ATP10A: variants seen among roughly 807,000 people sequenced by gnomAD.
ATP10A encodes the protein phospholipid-transporting ATPase VA.
A neutral mutation model predicts 147.8 loss-of-function variants in ATP10A; 111 were observed. The observed-to-expected ratio is 0.75, with a 90% CI of 0.64 to 0.88. The LOEUF (loss-of-function observed/expected upper bound fraction) is 0.88. ATP10A is among the 40% of genes least tolerant of loss of function. The pLI, the probability that ATP10A is intolerant of heterozygous loss-of-function variation, is 0.00. For missense variants in ATP10A, 1,927 were observed against 1,959.0 expected, an observed-to-expected ratio of 0.98 and a Z score of 0.31; for synonymous variants, 875 against 841.6, an observed-to-expected ratio of 1.04 and a Z score of -0.69.
chr15:25,688,990 C>T (rs866196097), intron 15 of ATP10A, among the ~76,000 whole-genome samples: 3 of 152,204 alleles, frequency 2.0e-5, no homozygotes, highest in South Asian at 2.1e-4. Context: ...ACACAGTCCC[C>T]GTCCTCCACA....
At chr15:25,768,683 ATTTTTTTTTTT>A (rs143608940) in intron 2 of ATP10A, among the ~76,000 whole-genome samples, 3 of 89,646 alleles carry the variant, frequency 3.3e-5, no homozygotes, top group South Asian at 4.0e-4. Flanking sequence ...AGCTGGGCTA[ATTTTTTTTTTT>A]TTTTTTTTTT....
intron 2 of ATP10A, among the ~76,000 whole-genome samples, chr15:25,772,460 G>C (rs1345756349): frequency 6.6e-5 from 10 of 152,152 alleles, no homozygotes; most frequent in Non-Finnish European, 1.2e-4. Context: ...ACTGGGCCGA[G>C]ATGGAGATGT....
At chr15:25,790,718 CT>C (rs1486714006) in intron 1 of ATP10A, among the ~76,000 whole-genome samples, 5 of 152,162 alleles carry the variant, frequency 3.3e-5, no homozygotes, top group African/African-American at 9.7e-5. Flanking sequence ...TAACATGAAA[CT>C]TTTTTTCTGA....
downstream of ATP10A, among the ~76,000 whole-genome samples, chr15:25,674,226 C>A (rs1400245605): frequency 2.0e-5 from 3 of 152,194 alleles, no homozygotes; most frequent in Non-Finnish European, 4.4e-5. Flanking sequence ...GCAGAGCCAC[C>A]CATGCACCGT....
intron 1 of ATP10A, among the ~76,000 whole-genome samples, chr15:25,829,161 T>C (rs778803851): frequency 6.6e-6 from 1 of 152,176 alleles, no homozygotes. Context: ...AATAATGTGG[T>C]GAAAAGTGCC....
chr15:25,708,131 A>C, intron 11 of ATP10A, 29 bp from the exon 12 acceptor site: 1 of 1,613,304 alleles, frequency 6.2e-7, no homozygotes, highest in Non-Finnish European at 8.5e-7. Flanking sequence ...TGAGTGCTGC[A>C]CCGGGCGCTG....
intron 12 of ATP10A, among the ~76,000 whole-genome samples, chr15:25,706,290 C>T (rs931421366): frequency 6.6e-6 from 1 of 152,146 alleles, no homozygotes; most frequent in African/African-American, 2.4e-5. Context: ...AGAAAGCCTG[C>T]AGAGGAGAGG....
chr15:25,713,159 C>T (rs1429124685), intron 10 of ATP10A, among the ~76,000 whole-genome samples: 4 of 152,232 alleles, frequency 2.6e-5, no homozygotes, highest in African/African-American at 9.6e-5. Flanking sequence ...CTCCTCCGTC[C>T]TCTGAGCACA....
chr15:25,773,310 AC>A (rs1441564636), intron 2 of ATP10A, among the ~76,000 whole-genome samples: 1 of 152,184 alleles, frequency 6.6e-6, no homozygotes, highest in Non-Finnish European at 1.5e-5. Flanking sequence ...GCTGGCTCTT[AC>A]CAATTCACAA....
chr15:25,769,101 C>T (rs1889193174), intron 2 of ATP10A, among the ~76,000 whole-genome samples: 1 of 152,160 alleles, frequency 6.6e-6, no homozygotes, highest in South Asian at 2.1e-4. Flanking sequence ...CGCTCCAATA[C>T]TGAAACACAC....
intron 1 of ATP10A, among the ~76,000 whole-genome samples, chr15:25,800,251 C>G (rs747884590): frequency 6.6e-5 from 10 of 152,150 alleles, no homozygotes; most frequent in Admixed American, 2.6e-4. Context: ...GCTGAGTTTT[C>G]TTTGGCTGCA....
At position 25,711,325 on chromosome 15, in the gene ATP10A, T is replaced by C. The variant is rs116791635; in HGVS notation, c.2344+2349A>G. 2.8e-3 allele frequency among the ~76,000 whole-genome samples: 433 copies of C among 152,206 alleles called. 2 individuals are homozygous for C. Among genetic ancestry groups the C allele is most frequent in the African/African-American group, 9.9e-3 (412 of 41,504 alleles). ...TTGTCACCTACACACAGGTAGTAAG[T>C]TGATTTACACAGGCAGAGCGATTCC... On this transcript the variant is annotated intron_variant, in intron 10 of 20. Transcript: ENST00000555815.
chr15:25,735,670 C>T (rs1185624559), intron 3 of ATP10A, among the ~76,000 whole-genome samples: 2 of 152,222 alleles, frequency 1.3e-5, no homozygotes, highest in South Asian at 2.1e-4. Flanking sequence ...AATACGTGTT[C>T]AGTGACTGAG....
At chr15:25,741,065 G>A (rs989516947) in intron 2 of ATP10A, among the ~76,000 whole-genome samples, 6 of 152,188 alleles carry the variant, frequency 3.9e-5, no homozygotes, top group African/African-American at 7.2e-5. Context: ...CCCCTGGTAG[G>A]GTAGGCAGGT....
At position 25,701,990 on chromosome 15, in the gene ATP10A, C is replaced by CTGTTTCT. The variant is rs1900692441; in HGVS notation, c.2679_2685dup (p.Ala896ArgfsTer51). The CTGTTTCT allele has an allele frequency of 6.2e-7, 1 of 1,614,180 alleles. No homozygotes were observed. The highest frequency in any genetic ancestry group is 8.5e-7 in the Non-Finnish European group (1 of 1,180,024). On this transcript the variant is annotated frameshift_variant, in exon 13 of 21. Coordinates refer to ENST00000555815, the MANE Select transcript of ATP10A (RefSeq NM_024490.4). LOFTEE classifies it high-confidence loss of function. The stretch of plus-strand genomic sequence containing the variant: ...TTGCAGGCATATGCAATGTTGACAG[C>CTGTTTCT]TGTTTCTTGTTTGTCACCAGTGAGA...
intron 17 of ATP10A, among the ~76,000 whole-genome samples, chr15:25,682,816 G>T (rs961101955): frequency 2.6e-5 from 4 of 152,354 alleles, no homozygotes; most frequent in African/African-American, 9.6e-5. Context: ...AAAAGCACTT[G>T]CTGTCTATTT....
At chr15:25,840,818 A>T (rs902296392) in intron 1 of ATP10A, among the ~76,000 whole-genome samples, 4 of 151,744 alleles carry the variant, frequency 2.6e-5, no homozygotes, top group Admixed American at 6.6e-5. Context: ...TGGTGGTATC[A>T]CTCTTTTTAT....
chr15:25,802,471 A>G (rs1187584349), intron 1 of ATP10A, among the ~76,000 whole-genome samples: 19 of 152,186 alleles, frequency 1.2e-4, no homozygotes, highest in Non-Finnish European at 1.5e-4. Flanking sequence ...CTGCAGTAAC[A>G]GGTCACCACA....
Position 25,723,999 on chromosome 15 carries a change from C to G in ATP10A, c.1002G>C (p.Arg334=). The change falls in exon 6 of 21, where the codon CGG becomes CGC. Residue 334 remains arginine (R), a synonymous_variant. Coordinates refer to ENST00000555815, the MANE Select transcript of ATP10A (RefSeq NM_024490.4). ...SAVGHGLWIW[R]YQEKKSLFYV... ...AAAATAATGACTTCTTCTCTTGATA[C>G]CGCCATATCCACAGTCCATGTCCTG... 1 of 1,604,648 alleles carries G rather than the reference C, an allele frequency of 6.2e-7. No individual in the cohort carries two copies. Among genetic ancestry groups the G allele is most frequent in the Non-Finnish European group, 8.5e-7 (1 of 1,176,366 alleles).
Sources: allele counts gnomAD v4.1 joint callset (sites outside exome capture counted in the v4.1 genomes callset), GRCh38; gene constraint gnomAD v4.1.1; transcripts MANE v1.5; gene names NCBI Gene and HGNC (gene_info 2026-07-23, HGNC 2026-07-21).